Variants in ZMIZ1 observed in about 807,000 individuals in gnomAD.
ZMIZ1 encodes the protein zinc finger MIZ domain-containing protein 1.
A neutral mutation model predicts 113.9 loss-of-function variants in ZMIZ1; 17 were observed. That is an observed-to-expected ratio of 0.15 (90% CI 0.10 to 0.22). The LOEUF is 0.22. Ranked by LOEUF, ZMIZ1 falls within the 10% of genes least tolerant of loss-of-function variation. The pLI, the probability that ZMIZ1 is intolerant of heterozygous loss-of-function variation, is 1.00. For missense variants in ZMIZ1, 1,059 were observed against 1,477.8 expected (o/e 0.72, Z 4.65); for synonymous variants, 607 against 603.1 (o/e 1.01, Z -0.09).
At chr10:79,129,314 T>A (rs1014009277) in intron 2 of ZMIZ1, among the ~76,000 whole-genome samples, 1 of 152,106 alleles carries the variant, frequency 6.6e-6, no homozygotes, top group African/African-American at 2.4e-5. Flanking sequence ...ACCGTCCTGG[T>A]TTTAGCATGG....
chr10:79,296,619 C>T lies in ZMIZ1; in HGVS notation c.1379C>T (p.Pro460Leu), dbSNP rs1194478730. ...MPSQPSSGQY[P>L]PPTVNMGQYY... ...AGCCAGCCGAGCTCCGGGCAGTACCCGCCCCCCACGGTCAACATGGGGCAG... is the reference window on the plus strand; with the variant it reads ...AGCCAGCCGAGCTCCGGGCAGTACCTGCCCCCCACGGTCAACATGGGGCAG... Residue 460 changes from proline (P) to leucine (L), a missense_variant, in exon 13 of 25, where the codon CCG (proline) becomes CTG (leucine). Transcript: ENST00000334512. This position sits in a 1 kb window ranked among gnomAD's most constrained non-coding sequence, Gnocchi z 4.1. 4.4e-6 allele frequency: 7 copies of T among 1,593,250 alleles called. No homozygotes were observed. Among genetic ancestry groups the T allele is most frequent in the African/African-American group, 1.3e-5 (1 of 74,476 alleles).
intron 7 of ZMIZ1, among the ~76,000 whole-genome samples, chr10:79,267,747 G>A (rs147955240): frequency 4.8e-4 from 73 of 152,290 alleles, no homozygotes; most frequent in Non-Finnish European, 9.1e-4. Flanking sequence ...TGTGAGATGG[G>A]CCGTCTCTCA....
chr10:79,258,880 C>G (rs1460258807), intron 7 of ZMIZ1, among the ~76,000 whole-genome samples: 1 of 152,198 alleles, frequency 6.6e-6, no homozygotes, highest in Non-Finnish European at 1.5e-5. Flanking sequence ...TCTGCTGAAA[C>G]TTTGGGGCGA....
chr10:79,245,855 A>C (rs1490324843), intron 7 of ZMIZ1, among the ~76,000 whole-genome samples: 1 of 136,016 alleles, frequency 7.4e-6, no homozygotes, highest in Non-Finnish European at 1.6e-5. Context: ...TCAAGCACTC[A>C]GTAGCCACCG....
At chr10:79,108,711 A>T (rs1421434347) in intron 1 of ZMIZ1, among the ~76,000 whole-genome samples, 1 of 152,036 alleles carries the variant, frequency 6.6e-6, no homozygotes, top group African/African-American at 2.4e-5. Flanking sequence ...TCTCTGTTCT[A>T]AGCTCTGCAT....
At chr10:79,196,187 G>A (rs1315044657) in intron 4 of ZMIZ1, among the ~76,000 whole-genome samples, 1 of 152,192 alleles carries the variant, frequency 6.6e-6, no homozygotes, top group Admixed American at 6.5e-5. Flanking sequence ...ACCTGTAGGT[G>A]CCTCCATAAT....
chr10:79,279,283 A>G (rs912083238), intron 8 of ZMIZ1, among the ~76,000 whole-genome samples: 1 of 150,178 alleles, frequency 6.7e-6, no homozygotes, highest in Non-Finnish European at 1.5e-5. Context: ...CACCTCCCAG[A>G]TGGGGTGGTG....
intron 7 of ZMIZ1, among the ~76,000 whole-genome samples, chr10:79,260,884 A>G (rs887503903): frequency 6.6e-6 from 1 of 152,202 alleles, no homozygotes; most frequent in East Asian, 1.9e-4. Context: ...CTCTCTGAAC[A>G]CTAGTTTCCT....
intron 7 of ZMIZ1, among the ~76,000 whole-genome samples, chr10:79,254,834 A>T (rs563066509): frequency 6.6e-6 from 1 of 152,306 alleles, no homozygotes; most frequent in East Asian, 1.9e-4. Context: ...TTCAAAACCA[A>T]ACACCTGATA....
intron 1 of ZMIZ1, among the ~76,000 whole-genome samples, chr10:79,089,006 A>T (rs1842910380): frequency 6.6e-6 from 1 of 151,998 alleles, no homozygotes; most frequent in African/African-American, 2.4e-5. Context: ...CAGGTCTTCT[A>T]CTCCCTACGT....
chr10:79,209,874 G>T (rs1244123384), intron 6 of ZMIZ1, among the ~76,000 whole-genome samples: 5 of 152,228 alleles, frequency 3.3e-5, no homozygotes, highest in Non-Finnish European at 5.9e-5. Context: ...TGTCTTCAGA[G>T]GGGATGCCCT....
intron 8 of ZMIZ1, among the ~76,000 whole-genome samples, chr10:79,280,147 A>G (rs1015136518): frequency 1.3e-5 from 2 of 151,838 alleles, no homozygotes; most frequent in African/African-American, 2.4e-5. Context: ...ACCACCACCC[A>G]TGGCTAATTT....
intron 7 of ZMIZ1, among the ~76,000 whole-genome samples, chr10:79,237,045 C>T (rs1849618498): frequency 6.6e-6 from 1 of 152,196 alleles, no homozygotes; most frequent in African/African-American, 2.4e-5. Flanking sequence ...GGCGGGGGCT[C>T]CCCAGTCAAG....
At chr10:79,260,278 G>T (rs984482361) in intron 7 of ZMIZ1, among the ~76,000 whole-genome samples, 21 of 152,230 alleles carry the variant, frequency 1.4e-4, no homozygotes, top group Admixed American at 1.3e-3. Context: ...TAGAGCTTTT[G>T]TTCCAGCATG....
chr10:79,243,730 A>C (rs1184050721), intron 7 of ZMIZ1: 3 of 286,804 alleles, frequency 1.0e-5, no homozygotes, highest in Non-Finnish European at 2.0e-5. Context: ...CGACCGGTGC[A>C]ACTTCTAGGT....
intron 7 of ZMIZ1, among the ~76,000 whole-genome samples, chr10:79,256,984 A>G (rs976309316): frequency 1.3e-5 from 2 of 152,226 alleles, no homozygotes; most frequent in Admixed American, 6.5e-5. Context: ...TCAGGCTTCT[A>G]TGTGAGTGCT....
At position 79,312,884 on chromosome 10, in the gene ZMIZ1, C is replaced by T. The variant is rs1855291612; in HGVS notation, c.*135C>T. 8.2e-6 allele frequency: 6 copies of T among 728,962 alleles called. No homozygotes were observed. The highest frequency in any genetic ancestry group is 1.8e-5 in the South Asian group (1 of 57,018). 45.2% of individuals were successfully genotyped at this position (728,962 alleles called of 1,614,324 possible). ...CGGGCTGTGGGGCGGGGAGCCCTCC[C>T]CCGCTGCAGCCCTCTCAGAACAGAG... On this transcript the variant is annotated 3_prime_UTR_variant, in exon 25 of 25. Coordinates refer to ENST00000334512, the MANE Select transcript of ZMIZ1 (RefSeq NM_020338.4).
rs532920036 is a variant in ZMIZ1 at position 79,188,105 on chromosome 10, G to A, written c.-49-13479G>A. On this transcript the variant is annotated intron_variant, in intron 4 of 24. Coordinates refer to ENST00000334512, the MANE Select transcript of ZMIZ1 (RefSeq NM_020338.4). ...TAAAATACCAAATATGCTGCCTGACGTAGTACATAATGAAGGACACGCCTA... is the reference window on the plus strand; with the variant it reads ...TAAAATACCAAATATGCTGCCTGACATAGTACATAATGAAGGACACGCCTA... Among the ~76,000 whole-genome samples, 7 of 152,304 alleles carry A rather than the reference G, an allele frequency of 4.6e-5. No homozygotes were observed. The East Asian group carries it at 9.6e-4, about 21-fold the overall frequency.
Position 79,296,780 on chromosome 10 carries a change from T to C in ZMIZ1, c.1413+127T>C. ...CAAGGACAGCGAGGGGTGGGTGATT[T>C]CTGAACGTCCCCATGTGTTCAGGGC... is the stretch of plus-strand genomic sequence containing the variant. On this transcript the variant is annotated intron_variant, in intron 13 of 24. Coordinates refer to ENST00000334512, the MANE Select transcript of ZMIZ1 (RefSeq NM_020338.4). This position sits in a 1 kb window ranked among gnomAD's most constrained non-coding sequence, Gnocchi z 4.1. 1.1e-6 allele frequency: 1 copy of C among 946,762 alleles called. No homozygotes were observed. Among genetic ancestry groups the C allele is most frequent in the South Asian group, 2.2e-5 (1 of 44,860 alleles). The allele number at this position is 946,762 out of a possible 1,614,324, so 58.6% of individuals were successfully genotyped here. A position where few individuals can be genotyped will look rare whatever the true frequency, so the allele number is the denominator to read the frequency against.
Sources: gnomAD v4.1 joint callset for allele counts (sites outside exome capture counted in the v4.1 genomes callset) on GRCh38, gnomAD v4.1.1 for gene constraint, Gnocchi (gnomAD v3.1) non-coding constraint, MANE v1.5 for transcripts, NCBI Gene and HGNC (gene_info 2026-07-23, HGNC 2026-07-21) for gene names.